Variants in SCNN1A observed in about 807,000 individuals in gnomAD.
SCNN1A encodes epithelial sodium channel subunit alpha.
SCNN1A carries 65 observed loss-of-function variants against 68.6 expected under a neutral mutation model. The ratio of observed to expected loss-of-function variants is 0.95; its 90% CI spans 0.78 to 1.16. The LOEUF is 1.16. Ranked by LOEUF, SCNN1A falls within the 50% of genes most tolerant of loss-of-function variation. The probability of loss-of-function intolerance (pLI) is 0.00; values close to 1 mark genes in which losing one functional copy is unlikely to be tolerated. For synonymous variants in SCNN1A, 357 were observed against 353.3 expected (o/e 1.01, Z -0.12); for missense variants, 880 against 865.9 (o/e 1.02, Z -0.20).
upstream of SCNN1A, among the ~76,000 whole-genome samples, chr12:6,376,608 C>T (rs1470936879): frequency 1.3e-5 from 2 of 152,228 alleles, no homozygotes; most frequent in Admixed American, 6.5e-5. Flanking sequence ...TCCAAAATCT[C>T]TTTCCAAACT....
chr12:6,370,519 C>T (rs1055634611), intron 2 of SCNN1A, among the ~76,000 whole-genome samples: 7 of 152,242 alleles, frequency 4.6e-5, no homozygotes, highest in African/African-American at 1.7e-4. Context: ...AGCCCATGCT[C>T]ATCCTAACAG....
In SCNN1A at chr12:6,347,703, G is replaced by A. The variant is rs907256707; in HGVS notation, c.*170C>T. The A allele has an allele frequency of 1.9e-4, 124 of 660,218 alleles. No individual in the cohort carries two copies. Among genetic ancestry groups the A allele is most frequent in the Non-Finnish European group, 5.2e-5 (19 of 367,686 alleles). The allele number at this position is 660,218 out of a possible 1,614,324, so 40.9% of individuals were successfully genotyped here. ...CTTCTGGGCAGCTTCATCAGCTACT[G>A]TTCTTGGAGCAACTTCCTGAGCCCT... On this transcript the variant is annotated 3_prime_UTR_variant, in exon 13 of 13. Transcript: ENST00000228916.
chr12:6,368,316 G>A (rs1948716000), intron 2 of SCNN1A, among the ~76,000 whole-genome samples: 2 of 152,188 alleles, frequency 1.3e-5, no homozygotes, highest in African/African-American at 4.8e-5. Context: ...ACGGAAGTAA[G>A]GTACAGAAAC....
intron 2 of SCNN1A, among the ~76,000 whole-genome samples, chr12:6,366,797 T>C (rs1195270260): frequency 7.1e-6 from 1 of 141,552 alleles, no homozygotes; most frequent in African/African-American, 2.7e-5. Flanking sequence ...CGAAACTCCA[T>C]CTCAAAAAAA....
chr12:6,368,294 G>T (rs1436528811), intron 2 of SCNN1A, among the ~76,000 whole-genome samples: 1 of 152,192 alleles, frequency 6.6e-6, no homozygotes, highest in Non-Finnish European at 1.5e-5. Flanking sequence ...AAAGGAAAGT[G>T]ACCCACAGAA....
chr12:6,377,003 C>T (rs1274566668), upstream of SCNN1A, among the ~76,000 whole-genome samples: 3 of 151,742 alleles, frequency 2.0e-5, no homozygotes, highest in African/African-American at 7.3e-5. Flanking sequence ...AGAGATAAGA[C>T]ATAAGAGCCA....
At chr12:6,352,684 G>A (rs1948408027) in intron 8 of SCNN1A, among the ~76,000 whole-genome samples, 1 of 152,208 alleles carries the variant, frequency 6.6e-6, no homozygotes, top group African/African-American at 2.4e-5. Context: ...GAGGCCAGAT[G>A]GCCTTTGGGT....
intron 2 of SCNN1A, among the ~76,000 whole-genome samples, chr12:6,369,317 G>GCACCTCCCTCCTGCCACCCTACA: frequency 1.8e-5 from 2 of 113,312 alleles, no homozygotes; most frequent in East Asian, 5.9e-4. Flanking sequence ...GCCACCCTAC[G>GCACCTCCCTCCTGCCACCCTACA]CACCTCCCTC....
In SCNN1A at chr12:6,362,260, G is replaced by A; in HGVS notation, c.685-19C>T. The stretch of plus-strand genomic sequence containing the variant: ...GGTTGCACTGGACACAGAGACTAGA[G>A]TCAGAGGGGACACGCAGCCGGGGAT... On this transcript the variant is annotated intron_variant, in intron 3 of 12. Coordinates refer to ENST00000228916, the MANE Select transcript of SCNN1A (RefSeq NM_001038.6). The A allele has an allele frequency of 6.2e-7, 1 of 1,610,656 alleles. No individual in the cohort carries two copies. The highest frequency in any genetic ancestry group is 8.5e-7 in the Non-Finnish European group (1 of 1,176,756).
rs1441300748 is a variant in SCNN1A at position 6,348,758 on chromosome 12, T to C, written c.1598A>G (p.Tyr533Cys). The change falls in exon 12 of 13, where the codon TAC becomes TGC. Residue 533 changes from tyrosine (Y) to cysteine (C), a missense_variant. Around this residue, in one of 3 missense-constraint regions of SCNN1A, gnomAD observed 758 missense variants for 721.8 expected, o/e 1.05. Transcript: ENST00000228916. ...KVNIFFKELN[Y>C]KTNSESPSVT... ...AGAGGGAGACTCAGAATTGGTTTTG[T>C]AGTTCAGCTCCTTGAAGAAGATGTT... The C allele has an allele frequency of 6.2e-7, 1 of 1,613,776 alleles. No individual in the cohort carries two copies. Among genetic ancestry groups the C allele is most frequent in the Non-Finnish European group, 8.5e-7 (1 of 1,179,920 alleles).
intron 4 of SCNN1A, among the ~76,000 whole-genome samples, chr12:6,359,093 G>A (rs1003626871): frequency 6.6e-6 from 1 of 152,116 alleles, no homozygotes. Context: ...CTTGGAGGAG[G>A]GGAGAAAATG....
At chr12:6,349,297 C>T (rs1293476906) in intron 9 of SCNN1A, 30 bp downstream of exon 9, 1 of 1,613,132 alleles carries the variant, frequency 6.2e-7, no homozygotes, top group Non-Finnish European at 8.5e-7. Flanking sequence ...GTATTCTACC[C>T]AACCTGTACC....
chr12:6,377,290 G>C, upstream of SCNN1A: 1 of 1,548,926 alleles, frequency 6.5e-7, no homozygotes, highest in South Asian at 1.2e-5. Flanking sequence ...GGAAGGGACA[G>C]CTGGATTTTT....
Position 6,374,727 on chromosome 12 carries a change from C to T in SCNN1A, c.57G>A (p.Gly19=), listed in dbSNP as rs750401022. The part of the protein sequence containing the change: ...QDSSPPQSTP[G]LMKGNKREEQ... ...CCTCACGCTTGTTCCCCTTCATGAG[C>T]CCTGGAGTGGACTGTGGAGGGCTAG... The change falls in exon 2 of 13, where the codon GGG becomes GGA. Residue 19 remains glycine (G), a synonymous_variant. Transcript: ENST00000228916. This position sits in a 1 kb window ranked among gnomAD's most constrained non-coding sequence, Gnocchi z 6.2. 1 of 1,614,164 alleles carries T rather than the reference C, an allele frequency of 6.2e-7. No homozygotes were observed. The highest frequency in any genetic ancestry group is 8.5e-7 in the Non-Finnish European group (1 of 1,180,026).
In SCNN1A at chr12:6,362,245, GAC is replaced by G; in HGVS notation, c.685-6_685-5del. On this transcript the variant is annotated splice_region_variant and splice_polypyrimidine_tract_variant and intron_variant, in intron 3 of 12. Transcript: ENST00000228916. ...AGTCCGATTTGTTCTGGTTGCACTG[GAC>G]ACAGAGACTAGAGTCAGAGGGGACA... is the stretch of plus-strand genomic sequence containing the variant. 6.2e-7 allele frequency: 1 copy of G among 1,613,752 alleles called. No individual in the cohort carries two copies. The highest frequency in any genetic ancestry group is 2.2e-5 in the East Asian group (1 of 44,878).
chr12:6,366,002 G>A (rs1455843715), intron 2 of SCNN1A, among the ~76,000 whole-genome samples: 1 of 151,894 alleles, frequency 6.6e-6, no homozygotes, highest in Admixed American at 6.6e-5. Flanking sequence ...CTACAGGTGC[G>A]TGCCACCACG....
In SCNN1A at chr12:6,347,958, G is replaced by T. The variant is rs781302181; in HGVS notation, c.1925C>A (p.Pro642His). 1.8e-5 allele frequency: 28 copies of T among 1,567,800 alleles called. No homozygotes were observed. The highest frequency in any genetic ancestry group is 2.3e-5 in the Non-Finnish European group (27 of 1,152,254). The change falls in exon 13 of 13, where the codon CCT (proline) becomes CAT (histidine). Residue 642 changes from proline (P) to histidine (H), a missense_variant. Physicochemically the swap from Pro to His is moderately conservative, Grantham distance 77 (BLOSUM62 -2). Transcript: ENST00000228916. ...APSPALTAPP[P>H]AYATLGPRPS... ...GCGGGGGCCCAGGGTGGCATAGGCA[G>T]GGGGAGGGGCTGTCAAGGCTGGAGA...
chr12:6,371,330 G>A (rs919053942), intron 2 of SCNN1A, among the ~76,000 whole-genome samples: 1 of 151,846 alleles, frequency 6.6e-6, no homozygotes, highest in South Asian at 2.1e-4. Context: ...CCTCCCTCCT[G>A]CACGCCTGAC....
chr12:6,366,499 A>G (rs190921924), intron 2 of SCNN1A, among the ~76,000 whole-genome samples: 47 of 152,336 alleles, frequency 3.1e-4, no homozygotes, highest in South Asian at 2.9e-3. Context: ...ACACATTAGA[A>G]CATAAAGATT....
Sources: gnomAD v4.1 joint callset for allele counts (sites outside exome capture counted in the v4.1 genomes callset) on GRCh38, gnomAD v4.1.1 for gene constraint, gnomAD v4.1.1 regional missense constraint, Gnocchi (gnomAD v3.1) non-coding constraint, MANE v1.5 for transcripts, NCBI Gene and HGNC (gene_info 2026-07-23, HGNC 2026-07-21) for gene names.